Variants in WSB1 observed in about 807,000 individuals in gnomAD.
WSB1 encodes WD repeat and SOCS box containing 1.
Under a neutral mutation model 50.2 loss-of-function variants are expected in WSB1, and 23 were observed. That is an observed-to-expected ratio of 0.46 (90% CI 0.33 to 0.65). The LOEUF (loss-of-function observed/expected upper bound fraction) is 0.65, where lower values mean the gene tolerates loss of function less well. Ranked by LOEUF, WSB1 falls within the 30% of genes least tolerant of loss-of-function variation. WSB1 has a pLI of 0.02. For missense variants in WSB1, 492 were observed against 522.3 expected (o/e 0.94, Z 0.56); for synonymous variants, 179 against 172.0 (o/e 1.04, Z -0.32).
chr17:27,301,749 GTTATA>G, intron 1 of WSB1, 34 bp from the exon 2 acceptor site: 1 of 1,601,318 alleles, frequency 6.2e-7, no homozygotes, highest in Non-Finnish European at 8.5e-7. Flanking sequence ...TGTATTGTTG[GTTATA>G]TATGATATCC....
intron 6 of WSB1, 99 bp downstream of exon 6, chr17:27,309,371 T>C: frequency 9.7e-7 from 1 of 1,031,280 alleles, no homozygotes; most frequent in Non-Finnish European, 1.4e-6. Flanking sequence ...AAAATTACAG[T>C]CTATTCTAAT....
rs753749192 is a variant in WSB1, at chr17:27,310,080, A to C, written c.904A>C (p.Thr302Pro). ...CCTCAGGCACCTGTTTCCCCCACCT[A>C]CTCCAATATTTGCTGGAGGAGCAAA... ...MEFGHLFPPP[T>P]PIFAGGANDR... Residue 302 changes from threonine to proline, a missense_variant, in exon 7 of 9, where the codon ACT (threonine) becomes CCT (proline). By Grantham distance (38) the Thr-to-Pro change is conservative. Transcript: ENST00000262394. 4 of 1,613,854 alleles carry C rather than the reference A, an allele frequency of 2.5e-6. No homozygotes were observed. In the South Asian group the frequency reaches 4.4e-5, roughly 18 times the overall value.
Position 27,301,823 on chromosome 17 carries a change from G to A in WSB1, c.76G>A (p.Ala26Thr). Reference protein sequence around the residue: ...LRTIGELLAPAAPFDKKCGRE... With the variant: ...LRTIGELLAPTAPFDKKCGRE... The stretch of plus-strand genomic sequence containing the variant: ...TACTATAGGTGAACTTTTAGCTCCT[G>A]CAGCTCCTTTTGACAAGAAATGTGG... The change falls in exon 2 of 9, where the codon GCA (alanine) becomes ACA (threonine). Residue 26 changes from alanine (A) to threonine (T), a missense_variant. Transcript: ENST00000262394. 1 of 1,614,050 alleles carries A rather than the reference G, an allele frequency of 6.2e-7. No homozygotes were observed. Among genetic ancestry groups the A allele is most frequent in the Admixed American group, 1.7e-5 (1 of 60,000 alleles).
intron 5 of WSB1, chr17:27,308,184 A>G: frequency 1.0e-6 from 1 of 989,486 alleles, no homozygotes; most frequent in Non-Finnish European, 1.2e-6. Context: ...TTTCTTTTAG[A>G]AATAATGTAT....
chr17:27,303,226 C>T (rs1035617482), intron 2 of WSB1, 141 bp from the exon 3 acceptor site: 9 of 925,232 alleles, frequency 9.7e-6, no homozygotes, highest in South Asian at 2.0e-5. Context: ...CCTTTCCCTT[C>T]CTATCTATAG....
intron 1 of WSB1, among the ~76,000 whole-genome samples, chr17:27,299,226 A>G (rs1191234254): frequency 1.3e-5 from 2 of 152,222 alleles, no homozygotes; most frequent in Non-Finnish European, 2.9e-5. Flanking sequence ...TGAATTTTGT[A>G]TTAAGAAAGT....
In WSB1 at chr17:27,294,431, G is replaced by T; in HGVS notation, c.36G>T (p.Glu12Asp). The part of the protein sequence containing the change: ...ASFPPRVNEK[E>D]IVRLRTIGEL... ...TTCCCCCGAGGGTCAACGAGAAAGA[G>T]ATCGGTGAGGATTGGGACCGTGGGT... Residue 12 changes from glutamate to aspartate, a missense_variant, in exon 1 of 9, where the codon GAG becomes GAT. Physicochemically the swap from Glu to Asp is conservative, Grantham distance 45. Transcript: ENST00000262394. 1 of 1,613,726 alleles carries T rather than the reference G, an allele frequency of 6.2e-7. No individual in the cohort carries two copies. The highest frequency in any genetic ancestry group is 8.5e-7 in the Non-Finnish European group (1 of 1,179,784).
At chr17:27,295,663 A>G (rs2150824826) in intron 1 of WSB1, among the ~76,000 whole-genome samples, 1 of 152,312 alleles carries the variant, frequency 6.6e-6, no homozygotes, top group East Asian at 1.9e-4. Flanking sequence ...TTAAGACTAG[A>G]AAGTATGTCG....
rs1235971002 is a variant in WSB1 at position 27,313,547 on chromosome 17, A to T, written c.*1178A>T. ...CTTCTGTTGTTTATCTTACCTGCAG[A>T]TATTAAGAATGTATGCATTATGTAA... is the stretch of plus-strand genomic sequence containing the variant. On this transcript the variant is annotated 3_prime_UTR_variant, in exon 9 of 9. Transcript: ENST00000262394. 6.6e-6 allele frequency: 1 copy of T among 152,494 alleles called. No homozygotes were observed. Among genetic ancestry groups the T allele is most frequent in the African/African-American group, 2.4e-5 (1 of 41,394 alleles). The allele number at this position is 152,494 out of a possible 1,614,324, so 9.4% of individuals were successfully genotyped here. A position where few individuals can be genotyped will look rare whatever the true frequency, so the allele number is the denominator to read the frequency against.
rs1432301474 is a variant in WSB1, at chr17:27,314,150, A to T, written c.*1781A>T. On this transcript the variant is annotated 3_prime_UTR_variant, in exon 9 of 9. Transcript: ENST00000262394. Reference sequence around the variant, plus strand: ...GTTATCAATTTGAAAGCCAGTAGAAAATCTGCTCAAGTTACTTCTTGAGGA... The same window carrying T: ...GTTATCAATTTGAAAGCCAGTAGAATATCTGCTCAAGTTACTTCTTGAGGA... 1 of 152,204 alleles carries T rather than the reference A, an allele frequency of 6.6e-6. No homozygotes were observed. The highest frequency in any genetic ancestry group is 2.4e-5 in the African/African-American group (1 of 41,444). The allele number at this position is 152,204 out of a possible 1,614,324, so 9.4% of individuals were successfully genotyped here.
chr17:27,298,649 G>C (rs990639754), intron 1 of WSB1, among the ~76,000 whole-genome samples: 1 of 151,978 alleles, frequency 6.6e-6, no homozygotes. Flanking sequence ...TCAGTAGTTC[G>C]AGACCAGCCT....
At chr17:27,311,128 G>GGTT (rs1190746031) in intron 7 of WSB1, among the ~76,000 whole-genome samples, 3 of 152,160 alleles carry the variant, frequency 2.0e-5, no homozygotes, top group Non-Finnish European at 2.9e-5. Flanking sequence ...GTGGGATTAT[G>GGTT]GTTGTGAGCT....
chr17:27,310,145 A>T lies in WSB1; in HGVS notation c.969A>T (p.Gly323=). ...WVRSVSFSHD[G]LHVASLADDK... The stretch of plus-strand genomic sequence containing the variant: ...GATCTGTATCTTTTAGCCATGATGG[A>T]CTGCATGTTGCAAGCCTTGCTGATG... The change falls in exon 7 of 9, where the codon GGA becomes GGT. Residue 323 remains glycine, a synonymous_variant. Transcript: ENST00000262394. 6.2e-7 allele frequency: 1 copy of T among 1,614,022 alleles called. No homozygotes were observed. The highest frequency in any genetic ancestry group is 8.5e-7 in the Non-Finnish European group (1 of 1,179,922).
At position 27,294,169 on chromosome 17, in the gene WSB1, G is replaced by C. The variant is rs2016843832; in HGVS notation, c.-227G>C. ...GAACTGTCTTCCTCCGCAGGCGCGA[G>C]GCTGGGTACAGGGTCTATTGTCTGT... On this transcript the variant is annotated 5_prime_UTR_variant, in exon 1 of 9. Coordinates refer to ENST00000262394, the MANE Select transcript of WSB1 (RefSeq NM_015626.10). 56 of 389,282 alleles carry C rather than the reference G, an allele frequency of 1.4e-4. No homozygotes were observed. In the East Asian group the frequency reaches 2.2e-3, roughly 15 times the overall value. 24.1% of individuals were successfully genotyped at this position (389,282 alleles called of 1,614,324 possible).
chr17:27,295,595 GA>G (rs11368438), intron 1 of WSB1, among the ~76,000 whole-genome samples: 5 of 150,026 alleles, frequency 3.3e-5, no homozygotes, highest in South Asian at 2.1e-4. Flanking sequence ...ACAGAAAAAA[GA>G]AAAAAAAAGA....
At chr17:27,307,902 T>G (rs1381879881) in intron 5 of WSB1, 1 of 1,428,880 alleles carries the variant, frequency 7.0e-7, no homozygotes, top group Non-Finnish European at 9.1e-7. Flanking sequence ...GGCTGCAAGG[T>G]GTACTGTACG....
At chr17:27,294,506 G>A in intron 1 of WSB1, 71 bp downstream of exon 1, 3 of 1,590,920 alleles carry the variant, frequency 1.9e-6, no homozygotes, top group Non-Finnish European at 2.6e-6. Context: ...GGAGGTTTGG[G>A]AGGAAGCGAC....
In WSB1 at chr17:27,303,456, G is replaced by C. The variant is rs765152444; in HGVS notation, c.299G>C (p.Arg100Pro). 1.2e-6 allele frequency: 2 copies of C among 1,613,914 alleles called. No homozygotes were observed. The highest frequency in any genetic ancestry group is 2.2e-5 in the South Asian group (2 of 91,086). Residue 100 changes from arginine (R) to proline (P), a missense_variant, in exon 3 of 9, where the codon CGT (arginine) becomes CCT (proline). Coordinates refer to ENST00000262394, the MANE Select transcript of WSB1 (RefSeq NM_015626.10). ...GATGGTGGTCAGAAAAATAAGCCTC[G>C]TGAACATATTATAGACTGTGGAGAT... The part of the protein sequence containing the change: ...NSDGGQKNKP[R>P]EHIIDCGDIV...
intron 4 of WSB1, 58 bp downstream of exon 4, chr17:27,304,969 G>A (rs1460352976): frequency 4.8e-5 from 77 of 1,593,524 alleles, no homozygotes; most frequent in Non-Finnish European, 6.0e-5. Context: ...ACTATGGAGA[G>A]GTATTGGGAA....
Sources: gnomAD v4.1 joint callset for allele counts (sites outside exome capture counted in the v4.1 genomes callset) on GRCh38, gnomAD v4.1.1 for gene constraint, MANE v1.5 for transcripts, NCBI Gene and HGNC (gene_info 2026-07-23, HGNC 2026-07-21) for gene names.